Variants in CYRIB observed in about 807,000 individuals in gnomAD.
CYRIB encodes CYFIP-related Rac1 interactor B.
In CYRIB, 8 loss-of-function variants were observed where a neutral mutation model predicts 44.2. That is an observed-to-expected ratio of 0.18 (90% CI 0.11 to 0.33). The LOEUF is 0.33. Ranked by LOEUF, CYRIB falls within the 10% of genes least tolerant of loss-of-function variation. The probability of loss-of-function intolerance (pLI) is 1.00; values close to 1 mark genes in which losing one functional copy is unlikely to be tolerated. For synonymous variants in CYRIB, 131 were observed against 127.2 expected, an observed-to-expected ratio of 1.03 and a Z score of -0.20; for missense variants, 185 against 382.8, an observed-to-expected ratio of 0.48 and a Z score of 4.31.
intron 1 of CYRIB, chr8:130,004,573 G>C (rs1460974499): frequency 6.6e-6 from 1 of 152,048 alleles, no homozygotes; most frequent in African/African-American, 2.4e-5. Flanking sequence ...AAAGCCTGCT[G>C]GACAAATTCT....
intron 1 of CYRIB, among the ~76,000 whole-genome samples, chr8:130,003,355 C>T (rs113760149): frequency 0.028 from 4,280 of 152,302 alleles, 171 homozygotes; most frequent in African/African-American, 0.095. Context: ...AGGCTCTGGA[C>T]ATCAATTGCA....
intron 1 of CYRIB, among the ~76,000 whole-genome samples, chr8:130,004,351 C>T (rs2096982794): frequency 6.6e-6 from 1 of 152,168 alleles, no homozygotes; most frequent in African/African-American, 2.4e-5. Flanking sequence ...TCAATCCTCC[C>T]ACCTGAGCCT....
rs113618550 is a variant in CYRIB at position 129,877,364 on chromosome 8, T to C, written c.73+2025A>G. Among the ~76,000 whole-genome samples, 1,327 of 152,306 alleles carry C rather than the reference T, an allele frequency of 8.7e-3. 17 individuals carry two copies. Among genetic ancestry groups the C allele is most frequent in the African/African-American group, 0.03 (1,265 of 41,564 alleles). ...TGTCACTATTATTAAATTATAATAA[T>C]GTACCAGGTGCAGTAGCTCACACCT... is the stretch of plus-strand genomic sequence containing the variant. On this transcript the variant is annotated intron_variant, in intron 3 of 11. Transcript: ENST00000519824.
intron 2 of CYRIB, among the ~76,000 whole-genome samples, chr8:129,952,481 C>A: frequency 6.6e-6 from 1 of 151,978 alleles, no homozygotes; most frequent in South Asian, 2.1e-4. Context: ...ATATGTACCC[C>A]TATGGAGAAA....
At chr8:129,956,835 C>A (rs567737916) in intron 2 of CYRIB, among the ~76,000 whole-genome samples, 1,656 of 140,696 alleles carry the variant, frequency 0.012, 27 homozygotes, top group Non-Finnish European at 0.019. Flanking sequence ...CTCCCTCCCC[C>A]CAGCCTCTCT....
At chr8:130,006,090 G>A (rs1350791030) in intron 1 of CYRIB, among the ~76,000 whole-genome samples, 1 of 152,126 alleles carries the variant, frequency 6.6e-6, no homozygotes, top group Non-Finnish European at 1.5e-5. Context: ...ATCACTTGAG[G>A]TCAGGAGCTT....
intron 2 of CYRIB, among the ~76,000 whole-genome samples, chr8:129,954,811 T>C (rs1220059769): frequency 6.6e-6 from 1 of 152,198 alleles, no homozygotes. Flanking sequence ...TCCTGTGAAA[T>C]ATCTATACTA....
At chr8:129,855,627 C>T (rs755685679) in exon 6 of CYRIB, 46 of 1,613,792 alleles carry the variant, frequency 2.9e-5, no homozygotes, top group Non-Finnish European at 3.9e-5. Context: ...TTCATCAAAC[C>T]GGAGTGTGAA....
intron 2 of CYRIB, among the ~76,000 whole-genome samples, chr8:129,946,293 C>T (rs984304908): frequency 3.9e-5 from 6 of 152,198 alleles, no homozygotes; most frequent in African/African-American, 1.4e-4. Flanking sequence ...GCTTCAGCAC[C>T]TAGAGTATAG....
intron 1 of CYRIB, among the ~76,000 whole-genome samples, chr8:129,927,134 C>CA (rs563411780): frequency 2.9e-4 from 44 of 150,088 alleles, no homozygotes; most frequent in Middle Eastern, 3.4e-3. Context: ...AATACACACA[C>CA]AAAAAAAAAT....
At chr8:129,925,804 T>C (rs2087323667) in intron 1 of CYRIB, among the ~76,000 whole-genome samples, 1 of 152,214 alleles carries the variant, frequency 6.6e-6, no homozygotes, top group African/African-American at 2.4e-5. Context: ...GTTCCCCAAG[T>C]GGTCACTATA....
At chr8:129,855,841 G>A in intron 5 of CYRIB, 94 bp from the exon 8 acceptor site, 1 of 1,204,644 alleles carries the variant, frequency 8.3e-7, no homozygotes, top group African/African-American at 1.5e-5. Flanking sequence ...TTAATTCCCA[G>A]AAAAGTTCTC....
intron 2 of CYRIB, among the ~76,000 whole-genome samples, chr8:129,955,988 A>G (rs138200536): frequency 1.2e-4 from 19 of 152,340 alleles, no homozygotes; most frequent in East Asian, 1.9e-4. Flanking sequence ...GATGACCACA[A>G]TGGTCCCTCT....
intron 1 of CYRIB, among the ~76,000 whole-genome samples, chr8:129,928,798 T>C (rs1433988883): frequency 6.6e-6 from 1 of 152,076 alleles, no homozygotes; most frequent in Non-Finnish European, 1.5e-5. Context: ...AAAAAGATAA[T>C]GACAAGTGTT....
chr8:129,885,060 C>A (rs2062203959), intron 2 of CYRIB, among the ~76,000 whole-genome samples: 1 of 152,168 alleles, frequency 6.6e-6, no homozygotes, highest in South Asian at 2.1e-4. Context: ...AACAACTATA[C>A]CCTACAATTA....
intron 1 of CYRIB, among the ~76,000 whole-genome samples, chr8:129,997,191 A>G (rs767286324): frequency 3.9e-5 from 6 of 151,952 alleles, no homozygotes; most frequent in Non-Finnish European, 5.9e-5. Flanking sequence ...GATGTCACTT[A>G]AGCTGACCCA....
chr8:129,961,499 TTACAG>T (rs1410984922), intron 2 of CYRIB, among the ~76,000 whole-genome samples: 2 of 152,214 alleles, frequency 1.3e-5, no homozygotes, highest in Non-Finnish European at 2.9e-5. Context: ...GGTTGCCTCC[TTACAG>T]AGGGGTGGGA....
intron 1 of CYRIB, among the ~76,000 whole-genome samples, chr8:129,982,731 G>C (rs2096284266): frequency 6.6e-6 from 1 of 152,274 alleles, no homozygotes. Context: ...AGAAAAATCT[G>C]ATTCTGAACC....
chr8:129,889,586 A>C (rs954497562), intron 2 of CYRIB, among the ~76,000 whole-genome samples: 1 of 152,176 alleles, frequency 6.6e-6, no homozygotes, highest in Non-Finnish European at 1.5e-5. Flanking sequence ...AGTTTGAAAG[A>C]AGTTGATTCT....
Sources: allele counts gnomAD v4.1 joint callset (sites outside exome capture counted in the v4.1 genomes callset), GRCh38; gene constraint gnomAD v4.1.1; transcripts MANE v1.5; gene names NCBI Gene and HGNC (gene_info 2026-07-23, HGNC 2026-07-21).